Variants in MGAT5 observed in about 807,000 individuals in gnomAD.
MGAT5 encodes alpha-1,6-mannosylglycoprotein 6-beta-N-acetylglucosaminyltransferase.
In MGAT5, 30 loss-of-function variants were observed where a neutral mutation model predicts 94.3. The ratio of observed to expected loss-of-function variants is 0.32; its 90% CI spans 0.24 to 0.43. The LOEUF (loss-of-function observed/expected upper bound fraction) is 0.43. Ranked by LOEUF, MGAT5 falls within the 20% of genes least tolerant of loss-of-function variation. The pLI, the probability that MGAT5 is intolerant of heterozygous loss-of-function variation, is 1.00. For synonymous variants in MGAT5, 310 were observed against 322.9 expected (o/e 0.96, Z 0.43); for missense variants, 691 against 905.5 (o/e 0.76, Z 3.04).
intron 15 of MGAT5, among the ~76,000 whole-genome samples, chr2:134,446,789 T>C (rs892164419): frequency 2.0e-5 from 3 of 152,192 alleles, no homozygotes; most frequent in African/African-American, 7.2e-5. Context: ...TCTGGGCTCC[T>C]GGTGCAGTTC....
At chr2:134,202,456 G>C (rs1392795784) in intron 1 of MGAT5, among the ~76,000 whole-genome samples, 1 of 152,240 alleles carries the variant, frequency 6.6e-6, no homozygotes, top group Non-Finnish European at 1.5e-5. Flanking sequence ...CTTGATCTTG[G>C]ATGTTCCAGC....
intron 11 of MGAT5, among the ~76,000 whole-genome samples, chr2:134,403,561 A>G (rs1683177290): frequency 1.3e-5 from 2 of 152,154 alleles, no homozygotes; most frequent in Admixed American, 6.5e-5. Context: ...CTCCTTGTTC[A>G]CCAAGTACGC....
intron 2 of MGAT5, among the ~76,000 whole-genome samples, chr2:134,302,368 A>G (rs561497229): frequency 1.3e-5 from 2 of 152,294 alleles, no homozygotes; most frequent in South Asian, 4.1e-4. Context: ...TCTTACATCT[A>G]TAAAGGCCTT....
intron 12 of MGAT5, among the ~76,000 whole-genome samples, chr2:134,421,622 G>T (rs1360616392): frequency 2.0e-5 from 3 of 152,012 alleles, no homozygotes; most frequent in East Asian, 1.9e-4. Context: ...CTAAGCCCAC[G>T]TGAAAGCCCT....
chr2:134,179,240 G>C (rs1688620133), intron 1 of MGAT5, among the ~76,000 whole-genome samples: 1 of 152,182 alleles, frequency 6.6e-6, no homozygotes, highest in African/African-American at 2.4e-5. Context: ...CTGAGGGGTT[G>C]TCTAGTGTTA....
intron 2 of MGAT5, among the ~76,000 whole-genome samples, chr2:134,314,219 CT>C (rs1686866824): frequency 6.6e-6 from 1 of 152,208 alleles, no homozygotes. Flanking sequence ...CTTGAGCACT[CT>C]TAAGCCAATG....
At chr2:134,173,677 A>G (rs998341590) in intron 1 of MGAT5, among the ~76,000 whole-genome samples, 1 of 152,162 alleles carries the variant, frequency 6.6e-6, no homozygotes, top group Non-Finnish European at 1.5e-5. Flanking sequence ...TCTCAGGAAT[A>G]ACTACCGAAA....
In MGAT5 at chr2:134,448,837, A is replaced by G; in HGVS notation, c.2216A>G (p.Asp739Gly). The change falls in exon 16 of 16, where the codon GAC becomes GGC. Residue 739 changes from aspartate to glycine, a missense_variant. Transcript: ENST00000281923. ...AAGGGCCAGGTGGCTCTCTGCAAAG[A>G]CTGCCTATAGCAGCTACCTGCTCAG... ...FIKGQVALCK[D>G]CL 6.2e-7 allele frequency: 1 copy of G among 1,613,240 alleles called. No individual in the cohort carries two copies. Among genetic ancestry groups the G allele is most frequent in the Non-Finnish European group, 8.5e-7 (1 of 1,179,936 alleles).
At chr2:134,359,328 G>A (rs1679941313) in intron 9 of MGAT5, among the ~76,000 whole-genome samples, 1 of 152,244 alleles carries the variant, frequency 6.6e-6, no homozygotes, top group South Asian at 2.1e-4. Context: ...GACTTAAGGA[G>A]CTGATGCCCT....
intron 1 of MGAT5, among the ~76,000 whole-genome samples, chr2:134,207,175 A>G (rs1231589468): frequency 6.6e-6 from 1 of 152,008 alleles, no homozygotes; most frequent in Non-Finnish European, 1.5e-5. Context: ...CACTTTTTAG[A>G]TAGTGATTCT....
intron 2 of MGAT5, among the ~76,000 whole-genome samples, chr2:134,303,740 A>G (rs1686168151): frequency 6.6e-6 from 1 of 152,142 alleles, no homozygotes; most frequent in African/African-American, 2.4e-5. Flanking sequence ...TAGTTTATAT[A>G]CAGACTTTGG....
chr2:134,221,510 C>T (rs1030349898), intron 1 of MGAT5, among the ~76,000 whole-genome samples: 2 of 151,882 alleles, frequency 1.3e-5, no homozygotes, highest in Non-Finnish European at 2.9e-5. Context: ...GCTTATCTGA[C>T]CTAAAAGGAT....
At chr2:134,350,070 C>T (rs1679274039) in intron 9 of MGAT5, 132 bp downstream of exon 9, 2 of 785,490 alleles carry the variant, frequency 2.5e-6, no homozygotes, top group Non-Finnish European at 3.6e-6. Flanking sequence ...GAACCTTTTC[C>T]TTGGGAATTA....
chr2:134,217,196 A>G (rs1680538626), intron 1 of MGAT5, among the ~76,000 whole-genome samples: 10 of 150,346 alleles, frequency 6.7e-5, no homozygotes, highest in Admixed American at 6.6e-4. Flanking sequence ...TGCAAATGTG[A>G]CTTGAGCAGA....
At chr2:134,326,794 T>C (rs1216182169) in intron 4 of MGAT5, among the ~76,000 whole-genome samples, 1 of 151,976 alleles carries the variant, frequency 6.6e-6, no homozygotes, top group East Asian at 1.9e-4. Flanking sequence ...ATGGTGTCAG[T>C]TTTGGATAGA....
At chr2:134,193,118 A>AT (rs1202177985) in intron 1 of MGAT5, among the ~76,000 whole-genome samples, 5 of 139,374 alleles carry the variant, frequency 3.6e-5, no homozygotes, top group Non-Finnish European at 6.1e-5. Flanking sequence ...TTTTATTTTT[A>AT]TTTTTTATTT....
chr2:134,421,019 C>T (rs756620407), intron 12 of MGAT5, among the ~76,000 whole-genome samples: 1 of 152,170 alleles, frequency 6.6e-6, no homozygotes. Context: ...TTAAAATTGA[C>T]ATTATGAAGG....
intron 15 of MGAT5, among the ~76,000 whole-genome samples, chr2:134,445,141 ACTGAGTGCTTTGGTAC>A (rs769796146): frequency 6.6e-6 from 1 of 152,174 alleles, no homozygotes; most frequent in Non-Finnish European, 1.5e-5. Flanking sequence ...TACAGTGTAG[ACTGAGTGCTTTGGTAC>A]CTGAGAGAGG....
chr2:134,401,659 G>A (rs1683061555), intron 10 of MGAT5, among the ~76,000 whole-genome samples: 1 of 152,214 alleles, frequency 6.6e-6, no homozygotes, highest in Non-Finnish European at 1.5e-5. Context: ...ACATTTCTAA[G>A]TTAATGAATT....
Sources: allele counts gnomAD v4.1 joint callset (sites outside exome capture counted in the v4.1 genomes callset), GRCh38; gene constraint gnomAD v4.1.1; transcripts MANE v1.5; gene names NCBI Gene and HGNC (gene_info 2026-07-23, HGNC 2026-07-21).